ADGRA3: variants seen among roughly 807,000 people sequenced by gnomAD.
ADGRA3 encodes the protein G-protein coupled receptor 125.
A neutral mutation model predicts 119.8 loss-of-function variants in ADGRA3; 56 were observed. That is an observed-to-expected ratio of 0.47 (90% CI 0.38 to 0.58). The LOEUF (loss-of-function observed/expected upper bound fraction) is 0.58, where lower values mean the gene tolerates loss of function less well. Among genes scored for constraint, ADGRA3 ranks in the 20% least tolerant of loss-of-function variants. ADGRA3 has a pLI of 0.00. For synonymous variants in ADGRA3, 607 were observed against 623.8 expected (o/e 0.97, Z 0.40); for missense variants, 1,516 against 1,649.0 (o/e 0.92, Z 1.40).
At chr4:22,467,586 CAT>C (rs1238700724) in intron 2 of ADGRA3, among the ~76,000 whole-genome samples, 6 of 152,168 alleles carry the variant, frequency 3.9e-5, no homozygotes, top group African/African-American at 1.4e-4. Flanking sequence ...TGATGAACTG[CAT>C]ATGTTTCTAC....
intron 1 of ADGRA3, among the ~76,000 whole-genome samples, chr4:22,494,046 T>C (rs940990690): frequency 2.0e-5 from 3 of 151,488 alleles, no homozygotes; most frequent in Non-Finnish European, 2.9e-5. Context: ...CTACTAAAAA[T>C]ACAAAAAAAT....
At chr4:22,475,460 C>G (rs1478722612) in intron 1 of ADGRA3, among the ~76,000 whole-genome samples, 1 of 152,074 alleles carries the variant, frequency 6.6e-6, no homozygotes, top group African/African-American at 2.4e-5. Context: ...AGGCCGGGGG[C>G]GGCGGCTCAC....
At chr4:22,409,096 G>A (rs1309375357) in intron 14 of ADGRA3, among the ~76,000 whole-genome samples, 2 of 152,186 alleles carry the variant, frequency 1.3e-5, no homozygotes, top group African/African-American at 2.4e-5. Context: ...GGAGATGGTG[G>A]CAGGAACTGA....
At chr4:22,429,605 G>A (rs1200450408) in intron 10 of ADGRA3, among the ~76,000 whole-genome samples, 1 of 151,930 alleles carries the variant, frequency 6.6e-6, no homozygotes, top group Non-Finnish European at 1.5e-5. Context: ...AGGAGAGCCA[G>A]GAAACGTGCC....
At chr4:22,441,635 A>G (rs1716618881) in intron 7 of ADGRA3, among the ~76,000 whole-genome samples, 1 of 152,184 alleles carries the variant, frequency 6.6e-6, no homozygotes, top group African/African-American at 2.4e-5. Context: ...CGTCCAGTCT[A>G]TAATCCAAAA....
At chr4:22,420,168 G>T (rs1162849454) in intron 12 of ADGRA3, 1 of 152,166 alleles carries the variant, frequency 6.6e-6, no homozygotes, top group Non-Finnish European at 1.5e-5. Flanking sequence ...GGACAAGACA[G>T]AAATAAAGTA....
At chr4:22,437,372 AG>A (rs1270444667) in intron 8 of ADGRA3, among the ~76,000 whole-genome samples, 1 of 152,198 alleles carries the variant, frequency 6.6e-6, no homozygotes, top group East Asian at 1.9e-4. Flanking sequence ...TTAACACCAA[AG>A]GGTTTTCCCA....
At chr4:22,454,102 C>A (rs1436454735) in intron 4 of ADGRA3, among the ~76,000 whole-genome samples, 1 of 152,176 alleles carries the variant, frequency 6.6e-6, no homozygotes, top group Admixed American at 6.5e-5. Context: ...CTCAACTGAT[C>A]TGTCTGCCTC....
chr4:22,397,401 C>T (rs1215562029), intron 16 of ADGRA3, among the ~76,000 whole-genome samples: 5 of 151,900 alleles, frequency 3.3e-5, no homozygotes, highest in Admixed American at 1.3e-4. Flanking sequence ...AGAATGGTCT[C>T]GATCTCTTGA....
At position 22,515,832 on chromosome 4, in the gene ADGRA3, G is replaced by T. The variant is rs971533685; in HGVS notation, c.-48C>A. 4.1e-6 allele frequency: 4 copies of T among 982,326 alleles called. No individual in the cohort carries two copies. The African/African-American group carries it at 7.1e-5, about 17-fold the overall frequency. 60.9% of individuals were successfully genotyped at this position (982,326 alleles called of 1,614,324 possible). On this transcript the variant is annotated 5_prime_UTR_variant, in exon 1 of 19. Coordinates refer to ENST00000334304, the MANE Select transcript of ADGRA3 (RefSeq NM_145290.4). The stretch of plus-strand genomic sequence containing the variant: ...GCGAGCGGCGGCGCACTGGCCTAGC[G>T]GGCCGCCCCGGAGCCCGGGCGGGCA...
intron 3 of ADGRA3, chr4:22,455,730 A>G (rs1373327010): frequency 3.5e-6 from 3 of 858,784 alleles, no homozygotes; most frequent in Non-Finnish European, 4.9e-6. Flanking sequence ...TTATTTTTAC[A>G]TTTAATCAGA....
intron 7 of ADGRA3, 55 bp downstream of exon 7, chr4:22,442,595 G>T: frequency 8.0e-7 from 1 of 1,247,782 alleles, no homozygotes; most frequent in Non-Finnish European, 1.1e-6. Context: ...CCTCCAAAAG[G>T]ATAAATAAAA....
chr4:22,462,833 C>T (rs1163786678), intron 2 of ADGRA3, among the ~76,000 whole-genome samples: 2 of 152,200 alleles, frequency 1.3e-5, no homozygotes, highest in East Asian at 1.9e-4. Context: ...TCCCTCTACT[C>T]CTGTGGTTTT....
intron 1 of ADGRA3, among the ~76,000 whole-genome samples, chr4:22,487,182 T>C (rs1718459575): frequency 6.6e-6 from 1 of 152,188 alleles, no homozygotes; most frequent in African/African-American, 2.4e-5. Flanking sequence ...AACTCAAACC[T>C]ACAACTTCAC....
chr4:22,413,934 T>C (rs970236875), intron 12 of ADGRA3, 120 bp from the exon 13 acceptor site: 4 of 628,408 alleles, frequency 6.4e-6, no homozygotes, highest in Non-Finnish European at 1.0e-5. Context: ...TTAAATTGGA[T>C]ATACAAAATT....
intron 3 of ADGRA3, chr4:22,455,728 A>T: frequency 2.4e-6 from 2 of 831,998 alleles, no homozygotes; most frequent in Non-Finnish European, 3.4e-6. Context: ...TTTTATTTTT[A>T]CATTTAATCA....
In ADGRA3 at chr4:22,401,546, C is replaced by A. The variant is rs144842539; in HGVS notation, c.2366G>T (p.Arg789Ile). Residue 789 changes from arginine to isoleucine, a missense_variant, in exon 16 of 19, where the codon AGA becomes ATA. By Grantham distance (97) the Arg-to-Ile change is moderately conservative. This residue lies in a region of ADGRA3 where 1,088 missense variants were observed against 1,107.1 expected (regional missense o/e 0.98). Transcript: ENST00000334304. ...CATGTGCCAGCTCTTGAGGCTGATT[C>A]TAATCAAACTGTTTAAAAAAGAGAG... ...VSYIYHHSLI[R>I]ISLKSWHMLV... The A allele has an allele frequency of 1.2e-6, 2 of 1,601,738 alleles. No individual in the cohort carries two copies. Among genetic ancestry groups the A allele is most frequent in the Non-Finnish European group, 1.7e-6 (2 of 1,172,790 alleles).
intron 16 of ADGRA3, among the ~76,000 whole-genome samples, chr4:22,395,202 T>G (rs567478662): frequency 1.3e-5 from 2 of 152,288 alleles, no homozygotes; most frequent in African/African-American, 4.8e-5. Flanking sequence ...TTTCCAAAGT[T>G]GTAAAATGGG....
rs375309716 is a variant in ADGRA3, at chr4:22,444,592, A to G, written c.706+381T>C. Reference sequence around the variant, plus strand: ...ATCAGTCTTTTAAGAACACTGAAACATGTTGCTTCAAAAAGGCTGTATCGT... The same window carrying G: ...ATCAGTCTTTTAAGAACACTGAAACGTGTTGCTTCAAAAAGGCTGTATCGT... On this transcript the variant is annotated intron_variant, in intron 6 of 18. Transcript: ENST00000334304. 7.9e-5 allele frequency among the ~76,000 whole-genome samples: 12 copies of G among 152,282 alleles called. No individual in the cohort carries two copies. In the East Asian group the frequency reaches 1.9e-3, roughly 25 times the overall value.
Sources: gnomAD v4.1 joint callset for allele counts (sites outside exome capture counted in the v4.1 genomes callset) on GRCh38, gnomAD v4.1.1 for gene constraint, gnomAD v4.1.1 regional missense constraint, MANE v1.5 for transcripts, NCBI Gene and HGNC (gene_info 2026-07-23, HGNC 2026-07-21) for gene names.